ZNF418: variants seen among roughly 807,000 people sequenced by gnomAD.
ZNF418 encodes the protein zinc finger protein 418.
A neutral mutation model predicts 32.0 loss-of-function variants in ZNF418; 32 were observed. The ratio of observed to expected loss-of-function variants is 1.00; its 90% confidence interval spans 0.75 to 1.34. The LOEUF (loss-of-function observed/expected upper bound fraction) is 1.34, where lower values mean the gene tolerates loss of function less well. Ranked by LOEUF, ZNF418 falls within the 40% of genes most tolerant of loss-of-function variation. ZNF418 has a pLI of 0.00. For missense variants in ZNF418, 804 were observed against 812.5 expected, an observed-to-expected ratio of 0.99 and a Z score of 0.13; for synonymous variants, 276 against 270.7, an observed-to-expected ratio of 1.02 and a Z score of -0.19.
At chr19:57,929,205 A>C (rs568029290) in intron 3 of ZNF418, among the ~76,000 whole-genome samples, 1 of 152,314 alleles carries the variant, frequency 6.6e-6, no homozygotes, top group South Asian at 2.1e-4. Flanking sequence ...GCTCTCAAGA[A>C]TGGAAAGGAA....
At position 57,933,876 on chromosome 19, in the gene ZNF418, G is replaced by A; in HGVS notation, c.-54C>T. On this transcript the variant is annotated 5_prime_UTR_variant, in exon 2 of 6. Coordinates refer to ENST00000396147, the MANE Select transcript of ZNF418 (RefSeq NM_133460.3). ...CTTCCTCCTCCCTCAAACACAGTGT[G>A]TTCTCTTCTTTGCAGCCAGATGATG... 6.2e-7 allele frequency: 1 copy of A among 1,613,930 alleles called. No individual in the cohort carries two copies. Among genetic ancestry groups the A allele is most frequent in the Non-Finnish European group, 8.5e-7 (1 of 1,180,024 alleles).
Position 57,922,466 on chromosome 19 carries a change from C to T in ZNF418, c.*789G>A, listed in dbSNP as rs1229187766. 6 of 397,270 alleles carry T rather than the reference C, an allele frequency of 1.5e-5. No homozygotes were observed. In the South Asian group the frequency reaches 3.9e-4, roughly 26 times the overall value. 24.6% of individuals were successfully genotyped at this position (397,270 alleles called of 1,614,324 possible). On this transcript the variant is annotated 3_prime_UTR_variant, in exon 6 of 6. Transcript: ENST00000396147. ...GTTACCAATTCAACACATATTTACC[C>T]ATGACTTCCACGGTGGCTCTTCTGT...
intron 1 of ZNF418, 70 bp downstream of exon 1, chr19:57,935,091 C>G (rs1436845171): frequency 7.7e-7 from 1 of 1,302,710 alleles, no homozygotes; most frequent in African/African-American, 1.5e-5. Flanking sequence ...TGTGAACAGT[C>G]GCCGCTCTCT....
At chr19:57,929,175 G>A (rs2072378126) in intron 3 of ZNF418, among the ~76,000 whole-genome samples, 1 of 152,190 alleles carries the variant, frequency 6.6e-6, no homozygotes, top group Non-Finnish European at 1.5e-5. Flanking sequence ...GTGACAAGGT[G>A]TACAACTGAC....
In ZNF418 at chr19:57,926,718, C is replaced by A. The variant is rs543688252; in HGVS notation, c.1463G>T (p.Gly488Val). Reference protein sequence around the residue: ...GERPYECNECGKSFQDSSGFR... With the variant: ...GERPYECNECVKSFQDSSGFR... ...CCCAGAGCTGTCTTGAAATGATTTC[C>A]CACATTCATTACATTCATATGGCCT... Residue 488 changes from glycine to valine, a missense_variant, in exon 4 of 6, where the codon GGG (glycine) becomes GTG (valine). Physicochemically the swap from Gly to Val is moderately radical, Grantham distance 109. Coordinates refer to ENST00000396147, the MANE Select transcript of ZNF418 (RefSeq NM_133460.3). The A allele has an allele frequency of 1.2e-6, 2 of 1,614,126 alleles. No homozygotes were observed. The highest frequency in any genetic ancestry group is 2.7e-5 in the African/African-American group (2 of 75,018).
chr19:57,932,494 A>G, intron 2 of ZNF418: 2 of 1,535,388 alleles, frequency 1.3e-6, no homozygotes, highest in Non-Finnish European at 1.7e-6. Flanking sequence ...GCCTTCTTGC[A>G]TGGCTCCACA....
Position 57,926,502 on chromosome 19 carries a change from T to C in ZNF418, c.1679A>G (p.His560Arg), listed in dbSNP as rs772308034. 1 of 1,614,000 alleles carries C rather than the reference T, an allele frequency of 6.2e-7. No individual in the cohort carries two copies. Among genetic ancestry groups the C allele is most frequent in the South Asian group, 1.1e-5 (1 of 91,068 alleles). ...SSSLLRHQKTHTAERPYECRE... is the reference protein window; with the variant it reads ...SSSLLRHQKTRTAERPYECRE... Reference sequence around the variant, plus strand: ...GCACTCATAAGGTCTTTCTGCAGTGTGAGTTTTCTGATGTCGAAGGAGGGA... The same window carrying C: ...GCACTCATAAGGTCTTTCTGCAGTGCGAGTTTTCTGATGTCGAAGGAGGGA... The change falls in exon 4 of 6, where the codon CAC becomes CGC. Residue 560 changes from histidine to arginine, a missense_variant. Around this residue, in one of 3 missense-constraint regions of ZNF418, gnomAD observed 475 missense variants for 458.6 expected, o/e 1.04. Coordinates refer to ENST00000396147, the MANE Select transcript of ZNF418 (RefSeq NM_133460.3).
At chr19:57,925,192 G>A (rs1299629542) in intron 4 of ZNF418, among the ~76,000 whole-genome samples, 1 of 152,144 alleles carries the variant, frequency 6.6e-6, no homozygotes, top group Non-Finnish European at 1.5e-5. Flanking sequence ...TGGGTGCGGT[G>A]GCTCACGCCT....
chr19:57,933,931 C>G (rs972609609), intron 1 of ZNF418, 29 bp from the exon 2 acceptor site: 42 of 1,608,166 alleles, frequency 2.6e-5, no homozygotes, highest in Non-Finnish European at 3.5e-5. Context: ...GTGGTAACAT[C>G]ACCTCCTCGC....
intron 2 of ZNF418, chr19:57,932,486 C>T (rs2072525057): frequency 2.6e-6 from 4 of 1,535,388 alleles, no homozygotes; most frequent in Non-Finnish European, 3.5e-6. Flanking sequence ...CTATGAAGGC[C>T]TTCTTGCATG....
Position 57,926,240 on chromosome 19 carries a change from A to T in ZNF418, c.1941T>A (p.Tyr647Ter). 6.2e-7 allele frequency: 1 copy of T among 1,613,924 alleles called. No homozygotes were observed. Among genetic ancestry groups the T allele is most frequent in the African/African-American group, 1.3e-5 (1 of 75,006 alleles). The part of the protein sequence containing the change: ...HRRVHTGERP[Y>*]ECSECGKSFH... ...ATGATTTTCCACATTCACTGCACTC[A>T]TAAGGCCTTTCTCCAGTGTGTACTC... Residue 647 changes from tyrosine (Y) to a stop codon, truncating the protein, a stop_gained, in exon 4 of 6, where the codon TAT becomes TAA. Coordinates refer to ENST00000396147, the MANE Select transcript of ZNF418 (RefSeq NM_133460.3). LOFTEE classifies it low-confidence loss of function (END_TRUNC).
intron 4 of ZNF418, among the ~76,000 whole-genome samples, chr19:57,924,947 C>T (rs539699351): frequency 6.6e-6 from 1 of 152,274 alleles, no homozygotes; most frequent in East Asian, 1.9e-4. Flanking sequence ...TATATTCTGT[C>T]ATCATACTGT....
At chr19:57,933,256 C>T (rs767618911) in intron 2 of ZNF418, among the ~76,000 whole-genome samples, 1 of 152,184 alleles carries the variant, frequency 6.6e-6, no homozygotes, top group Non-Finnish European at 1.5e-5. Flanking sequence ...ATACCTGATT[C>T]CCCTTTCATG....
At chr19:57,925,569 T>C (rs1271547735) in intron 4 of ZNF418, 54 bp downstream of exon 4, 2 of 158,166 alleles carry the variant, frequency 1.3e-5, no homozygotes, top group African/African-American at 2.4e-5. Flanking sequence ...GACAGATCCA[T>C]GGTCTCGCTC....
rs749093238 is a variant in ZNF418, at chr19:57,926,946, T to C, written c.1235A>G (p.His412Arg). The C allele has an allele frequency of 3.7e-6, 6 of 1,612,208 alleles. No homozygotes were observed. The South Asian group carries it at 6.6e-5, about 18-fold the overall frequency. Reference sequence around the variant, plus strand: ...GTGACCTCGCTGATGGTTCCTAAGGTGTCCCTTTCGACTAAAAGATTTCCC... The same window carrying C: ...GTGACCTCGCTGATGGTTCCTAAGGCGTCCCTTTCGACTAAAAGATTTCCC... The part of the protein sequence containing the change: ...ECGKSFSRKG[H>R]LRNHQRGHTG... The change falls in exon 4 of 6, where the codon CAC becomes CGC. Residue 412 changes from histidine to arginine, a missense_variant. This residue lies in a region of ZNF418 where 475 missense variants were observed against 458.6 expected (regional missense o/e 1.04). Coordinates refer to ENST00000396147, the MANE Select transcript of ZNF418 (RefSeq NM_133460.3).
chr19:57,930,219 G>A (rs569880682), intron 3 of ZNF418, among the ~76,000 whole-genome samples: 1 of 152,278 alleles, frequency 6.6e-6, no homozygotes, highest in African/African-American at 2.4e-5. Context: ...CCTTCCCTGA[G>A]AGTCTGCAGC....
chr19:57,927,774 G>C lies in ZNF418; in HGVS notation c.407C>G (p.Pro136Arg). 8 of 1,614,112 alleles carry C rather than the reference G, an allele frequency of 5.0e-6. No individual in the cohort carries two copies. The highest frequency in any genetic ancestry group is 5.9e-6 in the Non-Finnish European group (7 of 1,180,032). ...PHQNQYLGEK[P>R]YRSSVEEALF... ...TGCTTCCTCAACACTGCTTCTATAG[G>C]GTTTCTCTCCAAGGTACTGATTCTG... The change falls in exon 4 of 6, where the codon CCC becomes CGC. Residue 136 changes from proline (P) to arginine (R), a missense_variant. Pro to Arg is a moderately radical substitution (Grantham distance 103). Transcript: ENST00000396147.
At chr19:57,923,352 G>A (rs977122648) in intron 4 of ZNF418, 63 bp from the exon 5 acceptor site, 2 of 151,614 alleles carry the variant, frequency 1.3e-5, no homozygotes, top group Non-Finnish European at 2.9e-5. Flanking sequence ...CATTGCAGAC[G>A]GGAGTATTTT....
chr19:57,932,120 T>C (rs1446927286), intron 2 of ZNF418, among the ~76,000 whole-genome samples: 2 of 152,220 alleles, frequency 1.3e-5, no homozygotes, highest in Non-Finnish European at 2.9e-5. Context: ...TGATAGCCCC[T>C]GATTTCTCAG....
Sources: gnomAD v4.1 joint callset for allele counts (sites outside exome capture counted in the v4.1 genomes callset) on GRCh38, gnomAD v4.1.1 for gene constraint, gnomAD v4.1.1 regional missense constraint, MANE v1.5 for transcripts, NCBI Gene and HGNC (gene_info 2026-07-23, HGNC 2026-07-21) for gene names.